KCNC2: variants seen among roughly 807,000 people sequenced by gnomAD.
The protein encoded by KCNC2 is potassium voltage-gated channel subfamily C member 2, also known as voltage-gated potassium channel KCNC2.
In KCNC2, 21 loss-of-function variants were observed where a neutral mutation model predicts 44.5. That is an observed-to-expected ratio of 0.47 (90% CI 0.33 to 0.68). KCNC2 has a LOEUF of 0.68. Ranked by LOEUF, KCNC2 falls within the 30% of genes least tolerant of loss-of-function variation. The pLI is 0.01. For missense variants in KCNC2, 589 were observed against 826.2 expected (o/e 0.71, Z 3.52); for synonymous variants, 391 against 339.1 (o/e 1.15, Z -1.68).
chr12:75,148,866 C>T (rs558988892), intron 2 of KCNC2, among the ~76,000 whole-genome samples: 1 of 151,994 alleles, frequency 6.6e-6, no homozygotes, highest in South Asian at 2.1e-4. Context: ...GCCTCAATTT[C>T]AGCTCAACAA....
intron 2 of KCNC2, among the ~76,000 whole-genome samples, chr12:75,158,055 A>G (rs1890878067): frequency 6.6e-6 from 1 of 151,874 alleles, no homozygotes; most frequent in Admixed American, 6.6e-5. Context: ...TATAGCCCTT[A>G]TTTATACAAT....
chr12:75,168,623 A>T (rs906252448), intron 2 of KCNC2, among the ~76,000 whole-genome samples: 22 of 151,652 alleles, frequency 1.5e-4, no homozygotes, highest in Admixed American at 5.9e-4. Flanking sequence ...ACTTAAAAAA[A>T]TTTTTTTGAC....
chr12:75,182,418 G>A (rs778270497), intron 2 of KCNC2, among the ~76,000 whole-genome samples: 4 of 151,134 alleles, frequency 2.6e-5, no homozygotes, highest in Non-Finnish European at 5.9e-5. Context: ...AGCTACTTGG[G>A]AGGCTGAGGC....
At chr12:75,186,372 C>G (rs967139765) in intron 2 of KCNC2, among the ~76,000 whole-genome samples, 2 of 151,930 alleles carry the variant, frequency 1.3e-5, no homozygotes, top group African/African-American at 4.8e-5. Flanking sequence ...CTAACAGGAA[C>G]AAATTTCTAT....
chr12:75,138,524 C>G (rs557667259), intron 2 of KCNC2, among the ~76,000 whole-genome samples: 2 of 152,100 alleles, frequency 1.3e-5, no homozygotes, highest in African/African-American at 4.8e-5. Flanking sequence ...TATGGTAGAG[C>G]AAACGTCCAT....
intron 2 of KCNC2, among the ~76,000 whole-genome samples, chr12:75,158,255 G>A (rs1274611947): frequency 6.6e-6 from 1 of 151,862 alleles, no homozygotes; most frequent in East Asian, 1.9e-4. Flanking sequence ...GCCAAAAAAT[G>A]TTGTTCTAAT....
At chr12:75,194,817 C>G (rs1209205105) in intron 2 of KCNC2, among the ~76,000 whole-genome samples, 12 of 152,032 alleles carry the variant, frequency 7.9e-5, no homozygotes, top group Non-Finnish European at 1.5e-5. Context: ...AGTATGTAGT[C>G]AAGGAAAACA....
chr12:75,084,283 AGATAGAT>A (rs1255761069), intron 2 of KCNC2, among the ~76,000 whole-genome samples: 2 of 114,746 alleles, frequency 1.7e-5, no homozygotes, highest in South Asian at 2.7e-4. Context: ...ATAGATAGAT[AGATAGAT>A]GATAGATAGA....
intron 2 of KCNC2, among the ~76,000 whole-genome samples, chr12:75,058,443 T>C (rs1230495596): frequency 6.6e-6 from 1 of 152,068 alleles, no homozygotes; most frequent in Non-Finnish European, 1.5e-5. Flanking sequence ...AAGCCTTATC[T>C]GCTATGAGTC....
chr12:75,199,076 A>G (rs943226494), intron 2 of KCNC2, among the ~76,000 whole-genome samples: 2 of 151,852 alleles, frequency 1.3e-5, no homozygotes, highest in African/African-American at 4.8e-5. Flanking sequence ...TATGCAACCA[A>G]AAGTTGATTA....
chr12:75,195,443 A>C (rs1022522942), intron 2 of KCNC2, among the ~76,000 whole-genome samples: 1 of 152,168 alleles, frequency 6.6e-6, no homozygotes, highest in African/African-American at 2.4e-5. Flanking sequence ...CCAGATACCC[A>C]AATAGTAACC....
chr12:75,079,034 A>G lies in KCNC2; in HGVS notation c.688-27717T>C, dbSNP rs183810992. Among the ~76,000 whole-genome samples the G allele has an allele frequency of 3.9e-5, 6 of 152,268 alleles. 1 individual carries two copies. Among genetic ancestry groups the G allele is most frequent in the Non-Finnish European group, 8.8e-5 (6 of 67,988 alleles). On this transcript the variant is annotated intron_variant, in intron 2 of 4. Coordinates refer to ENST00000549446, the MANE Select transcript of KCNC2 (RefSeq NM_139137.4). ...AAATATTAAAACACAAAAGCTTCAT[A>G]GTTTATTATGAAAAGTTTAAAACAA...
chr12:75,168,709 T>C (rs1891619136), intron 2 of KCNC2, among the ~76,000 whole-genome samples: 1 of 151,606 alleles, frequency 6.6e-6, no homozygotes, highest in Non-Finnish European at 1.5e-5. Context: ...ATTTATTTCT[T>C]TGTCAAATTT....
chr12:75,153,700 A>G (rs1890566020), intron 2 of KCNC2, among the ~76,000 whole-genome samples: 1 of 151,974 alleles, frequency 6.6e-6, no homozygotes, highest in Admixed American at 6.6e-5. Flanking sequence ...TAATGATAAC[A>G]ATTAACACAT....
intron 2 of KCNC2, among the ~76,000 whole-genome samples, chr12:75,184,940 T>C (rs1387567684): frequency 1.3e-5 from 2 of 152,202 alleles, no homozygotes; most frequent in Non-Finnish European, 2.9e-5. Context: ...AGTTGATATC[T>C]TCATAAGAGA....
chr12:75,096,412 T>A (rs1338032972), intron 2 of KCNC2, among the ~76,000 whole-genome samples: 1 of 152,044 alleles, frequency 6.6e-6, no homozygotes, highest in Non-Finnish European at 1.5e-5. Flanking sequence ...TTATCTTCCT[T>A]CTTAATAGGA....
At chr12:75,071,442 T>G (rs1883389883) in intron 2 of KCNC2, among the ~76,000 whole-genome samples, 1 of 152,220 alleles carries the variant, frequency 6.6e-6, no homozygotes, top group Non-Finnish European at 1.5e-5. Context: ...ACACATTATT[T>G]GTAATCTTAA....
intron 2 of KCNC2, among the ~76,000 whole-genome samples, chr12:75,203,283 T>C (rs1321189029): frequency 2.0e-5 from 3 of 151,804 alleles, no homozygotes; most frequent in Admixed American, 2.0e-4. Flanking sequence ...AAGTGGCCCA[T>C]ACAAAGTAAA....
chr12:75,204,880 GA>G (rs953895710), intron 2 of KCNC2, among the ~76,000 whole-genome samples: 2 of 152,020 alleles, frequency 1.3e-5, no homozygotes, highest in African/African-American at 2.4e-5. Context: ...ACCCACAAAA[GA>G]AAGCCAAATA....
Sources: allele counts gnomAD v4.1 joint callset (sites outside exome capture counted in the v4.1 genomes callset), GRCh38; gene constraint gnomAD v4.1.1; transcripts MANE v1.5; gene names NCBI Gene and HGNC (gene_info 2026-07-23, HGNC 2026-07-21).